The following TENM4 variants were observed in gnomAD, a reference collection of about 807,000 sequenced individuals.
The protein encoded by TENM4 is teneurin-4.
A neutral mutation model predicts 243.3 loss-of-function variants in TENM4; 82 were observed. That is an observed-to-expected ratio of 0.34 (90% confidence interval 0.28 to 0.40). The LOEUF (loss-of-function observed/expected upper bound fraction) is 0.40. Ranked by LOEUF, TENM4 falls within the 10% of genes least tolerant of loss-of-function variation. The probability of loss-of-function intolerance (pLI) is 1.00; values close to 1 mark genes in which losing one functional copy is unlikely to be tolerated. For missense variants in TENM4, 3,138 were observed against 3,673.3 expected (o/e 0.85, Z 3.77); for synonymous variants, 1,412 against 1,456.3 (o/e 0.97, Z 0.69).
intron 1 of TENM4, among the ~76,000 whole-genome samples, chr11:79,347,945 A>T (rs1857355264): frequency 6.7e-6 from 1 of 148,732 alleles, no homozygotes; most frequent in East Asian, 2.0e-4. Flanking sequence ...GCGCCCGGCT[A>T]ATTTTTTGTA....
chr11:79,150,674 A>T (rs1335238334), intron 3 of TENM4, among the ~76,000 whole-genome samples: 2 of 151,844 alleles, frequency 1.3e-5, no homozygotes, highest in East Asian at 1.9e-4. Flanking sequence ...GCTAGCAGGG[A>T]CCCCTTCCCT....
chr11:79,065,119 G>C (rs1860211323), intron 5 of TENM4, 112 bp from the exon 6 acceptor site: 4 of 1,394,342 alleles, frequency 2.9e-6, no homozygotes, highest in Non-Finnish European at 3.7e-6. Flanking sequence ...CTTTGAACTT[G>C]CTGTGGCATT....
At chr11:78,947,105 T>C (rs559433914) in intron 6 of TENM4, among the ~76,000 whole-genome samples, 1 of 152,290 alleles carries the variant, frequency 6.6e-6, no homozygotes, top group Admixed American at 6.5e-5. Context: ...AACATTCCAT[T>C]GTACAGAGAA....
intron 2 of TENM4, among the ~76,000 whole-genome samples, chr11:79,216,826 A>T (rs77451117): frequency 5.3e-5 from 8 of 152,288 alleles, no homozygotes; most frequent in African/African-American, 1.9e-4. Flanking sequence ...ACCCAGTCTG[A>T]GGCATTCTGT....
chr11:79,347,762 CTTTTTTTTTTTTT>C (rs528675032), intron 1 of TENM4, among the ~76,000 whole-genome samples: 6 of 94,692 alleles, frequency 6.3e-5, no homozygotes, highest in African/African-American at 1.8e-4. Flanking sequence ...CTATCCTCTC[CTTTTTTTTTTTTT>C]TTTTTTTTTT....
At chr11:79,245,727 G>A (rs954016573) in intron 2 of TENM4, among the ~76,000 whole-genome samples, 2 of 152,038 alleles carry the variant, frequency 1.3e-5, no homozygotes, top group Admixed American at 6.6e-5. Flanking sequence ...ATCACCTGAG[G>A]TCAGGAGTTC....
In TENM4 at chr11:78,669,345, T is replaced by C. The variant is rs767649128; in HGVS notation, c.7000A>G (p.Ile2334Val). ...THLYNHSSSE[I>V]TSLYYDLQGH... ...TGCAAGTCGTAGTAGAGGGAGGTGATCTCAGAGCTGGAGTGGTTGTACAGG... is the reference window on the plus strand; with the variant it reads ...TGCAAGTCGTAGTAGAGGGAGGTGACCTCAGAGCTGGAGTGGTTGTACAGG... The change falls in exon 32 of 34, where the codon ATC becomes GTC. Residue 2334 changes from isoleucine to valine, a missense_variant. Ile to Val is a conservative substitution (Grantham distance 29). Transcript: ENST00000278550. This position sits in a 1 kb window ranked among gnomAD's most constrained non-coding sequence, Gnocchi z 6.4. The C allele has an allele frequency of 3.1e-6, 5 of 1,613,616 alleles. No individual in the cohort carries two copies. In the East Asian group the frequency reaches 6.7e-5, roughly 22 times the overall value.
chr11:79,063,789 C>G (rs1428940632), intron 6 of TENM4, among the ~76,000 whole-genome samples: 1 of 152,160 alleles, frequency 6.6e-6, no homozygotes, highest in Admixed American at 6.5e-5. Flanking sequence ...GGTGTGTGAA[C>G]CAGGTGTCAT....
At chr11:78,757,782 T>C (rs946794951) in intron 18 of TENM4, among the ~76,000 whole-genome samples, 5 of 152,164 alleles carry the variant, frequency 3.3e-5, no homozygotes, top group Admixed American at 6.5e-5. Context: ...GAATCCTCGG[T>C]CCTCTGGAGG....
At chr11:79,281,647 C>A (rs570417446) in intron 2 of TENM4, among the ~76,000 whole-genome samples, 1 of 152,226 alleles carries the variant, frequency 6.6e-6, no homozygotes, top group East Asian at 1.9e-4. Flanking sequence ...AGGCTCCTAG[C>A]GGGGGTATGC....
At chr11:78,740,024 T>C (rs1175533905) in intron 19 of TENM4, among the ~76,000 whole-genome samples, 2 of 152,172 alleles carry the variant, frequency 1.3e-5, no homozygotes, top group Non-Finnish European at 2.9e-5. Flanking sequence ...ATCCGCACAT[T>C]GGGGAGAAAG....
At position 78,813,725 on chromosome 11, in the gene TENM4, T is replaced by C. The variant is rs758986266; in HGVS notation, c.1783+569A>G. Among the ~76,000 whole-genome samples the C allele has an allele frequency of 3.0e-3, 462 of 152,268 alleles. 4 individuals are homozygous for C. The highest frequency in any genetic ancestry group is 1.6e-3 in the Non-Finnish European group (109 of 68,010). On this transcript the variant is annotated intron_variant, in intron 13 of 33. Transcript: ENST00000278550. ...AGATCGTGGGCAGGCTTTTAGACTA[T>C]CTCCACAATGTTTATCATGGGCACT...
At chr11:79,353,081 G>C (rs1309856833) in intron 1 of TENM4, among the ~76,000 whole-genome samples, 1 of 152,130 alleles carries the variant, frequency 6.6e-6, no homozygotes. Flanking sequence ...GGACAGGCAG[G>C]GGGAAAGGAT....
chr11:78,894,794 G>A (rs1481649665), intron 7 of TENM4, among the ~76,000 whole-genome samples: 3 of 150,902 alleles, frequency 2.0e-5, no homozygotes, highest in Non-Finnish European at 3.0e-5. Context: ...GGAGTTTGAC[G>A]CCAGCCTGGG....
chr11:79,318,136 A>G (rs979741028), intron 1 of TENM4, among the ~76,000 whole-genome samples: 5 of 152,218 alleles, frequency 3.3e-5, no homozygotes, highest in Non-Finnish European at 7.3e-5. Context: ...CTGAGAAATG[A>G]TGATTTAAAA....
intron 6 of TENM4, among the ~76,000 whole-genome samples, chr11:79,053,667 A>G (rs934907845): frequency 6.6e-6 from 1 of 152,170 alleles, no homozygotes; most frequent in Admixed American, 6.5e-5. Flanking sequence ...CCACCATCAG[A>G]GGAAGCCAGG....
intron 4 of TENM4, chr11:79,096,928 G>GCGCGCA (rs1491382120): frequency 1.8e-3 from 243 of 134,000 alleles, no homozygotes; most frequent in African/African-American, 5.0e-3. Flanking sequence ...GCGCGCGCGC[G>GCGCGCA]CACACACACA....
Position 78,655,351 on chromosome 11 carries a change from T to A in TENM4, c.*2707A>T, listed in dbSNP as rs539357638. On this transcript the variant is annotated 3_prime_UTR_variant, in exon 34 of 34. Transcript: ENST00000278550. ...CACAGAAGCTGGGCTGCTGTGGTGG[T>A]ATGTAGCACAGGAAAAATATAAGAT... 6.6e-6 allele frequency: 1 copy of A among 152,160 alleles called. No individual in the cohort carries two copies. The highest frequency in any genetic ancestry group is 1.5e-5 in the Non-Finnish European group (1 of 68,008). 9.4% of individuals were successfully genotyped at this position (152,160 alleles called of 1,614,324 possible). A position where few individuals can be genotyped will look rare whatever the true frequency, so the allele number is the denominator to read the frequency against.
At position 78,656,745 on chromosome 11, in the gene TENM4, A is replaced by G. The variant is rs1857905254; in HGVS notation, c.*1313T>C. 9.5e-6 allele frequency: 3 copies of G among 316,916 alleles called. No individual in the cohort carries two copies. In the East Asian group the frequency reaches 1.5e-4, roughly 16 times the overall value. 19.6% of individuals were successfully genotyped at this position (316,916 alleles called of 1,614,324 possible). ...TCTTCCCTCCTTTCTTCCTGTCACT[A>G]AAAAACACATTGGGTGGGCTTCTCT... On this transcript the variant is annotated 3_prime_UTR_variant, in exon 34 of 34. Transcript: ENST00000278550.
Sources: allele counts gnomAD v4.1 joint callset (sites outside exome capture counted in the v4.1 genomes callset), GRCh38; gene constraint gnomAD v4.1.1; non-coding constraint Gnocchi (gnomAD v3.1); transcripts MANE v1.5; gene names NCBI Gene and HGNC (gene_info 2026-07-23, HGNC 2026-07-21).